Variants in DNAAF1 observed in about 807,000 individuals in gnomAD.
DNAAF1 encodes the protein dynein assembly factor 1, axonemal.
In DNAAF1, 65 loss-of-function variants were observed where a neutral mutation model predicts 71.1. The observed-to-expected ratio is 0.91, with a 90% CI of 0.75 to 1.12. The LOEUF is 1.12. DNAAF1 is among the 50% of genes most tolerant of loss of function. DNAAF1 has a pLI of 0.00. For missense variants in DNAAF1, 1,178 were observed against 899.8 expected (o/e 1.31, Z -3.96); for synonymous variants, 414 against 354.6 (o/e 1.17, Z -1.88).
intron 7 of DNAAF1, among the ~76,000 whole-genome samples, chr16:84,167,984 T>A (rs1249017007): frequency 6.6e-6 from 1 of 150,420 alleles, no homozygotes; most frequent in African/African-American, 2.5e-5. Context: ...ACCATCGCAC[T>A]CCAGCCTGGG....
At chr16:84,175,857 G>C in intron 10 of DNAAF1, 76 bp from the exon 11 acceptor site, 1 of 1,551,474 alleles carries the variant, frequency 6.4e-7, no homozygotes. Context: ...TGAAAAAGCA[G>C]AACTGGCATG....
chr16:84,163,087 A>ATTGTATTTGTCCATCAACT (rs1394139005), intron 6 of DNAAF1, among the ~76,000 whole-genome samples: 1 of 152,138 alleles, frequency 6.6e-6, no homozygotes, highest in Non-Finnish European at 1.5e-5. Flanking sequence ...GATACACTAC[A>ATTGTATTTGTCCATCAACT]TTGTATTTGT....
In DNAAF1 at chr16:84,177,818, T is replaced by A. The variant is rs201263027; in HGVS notation, c.2155T>A (p.Phe719Ile). The A allele has an allele frequency of 8.1e-6, 13 of 1,613,860 alleles. No individual in the cohort carries two copies. In the South Asian group the frequency reaches 1.4e-4, roughly 18 times the overall value. ...QALPTWDLTA[F>I]PAPKAS ...TCTGCCCACGTGGGACCTCACTGCA[T>A]TCCCAGCACCGAAAGCATCATAGTT... is the stretch of plus-strand genomic sequence containing the variant. The change falls in exon 12 of 12, where the codon TTC becomes ATC. Residue 719 changes from phenylalanine (F) to isoleucine (I), a missense_variant. Phe to Ile is a conservative substitution (Grantham distance 21, BLOSUM62 0). Transcript: ENST00000378553.
At chr16:84,173,249 G>C (rs564919398) in intron 9 of DNAAF1, 4 of 896,954 alleles carry the variant, frequency 4.5e-6, no homozygotes, top group African/African-American at 1.8e-5. Flanking sequence ...GGATCACGAG[G>C]TCAGGAGATC....
intron 9 of DNAAF1, chr16:84,172,807 C>G (rs2088438129): frequency 9.5e-7 from 1 of 1,056,818 alleles, no homozygotes; most frequent in African/African-American, 1.7e-5. Flanking sequence ...GTGGACACCG[C>G]CCAGCAGGTA....
intron 11 of DNAAF1, 24 bp downstream of exon 11, chr16:84,176,323 C>G: frequency 1.2e-6 from 2 of 1,612,816 alleles, no homozygotes; most frequent in South Asian, 2.2e-5. Context: ...GCCGAGAGCA[C>G]AGTGGAGACA....
chr16:84,164,816 T>C (rs1185881331), intron 6 of DNAAF1, among the ~76,000 whole-genome samples: 3 of 152,206 alleles, frequency 2.0e-5, no homozygotes, highest in Non-Finnish European at 4.4e-5. Flanking sequence ...GGTGAGAGTA[T>C]TTTTAGTCCC....
At chr16:84,172,456 C>T in intron 9 of DNAAF1, 81 bp downstream of exon 9, 5 of 1,559,972 alleles carry the variant, frequency 3.2e-6, no homozygotes, top group Non-Finnish European at 3.5e-6. Flanking sequence ...ACTTTGGAGA[C>T]CCTCGATACC....
intron 8 of DNAAF1, among the ~76,000 whole-genome samples, chr16:84,170,903 T>C (rs2088297960): frequency 6.6e-6 from 1 of 151,960 alleles, no homozygotes; most frequent in Non-Finnish European, 1.5e-5. Context: ...TAATGACATG[T>C]TTAATTTAAC....
At chr16:84,174,193 C>G (rs137895756) in intron 9 of DNAAF1, 1 of 1,008,838 alleles carries the variant, frequency 9.9e-7, no homozygotes, top group Admixed American at 5.3e-5. Flanking sequence ...ACTATGCTGC[C>G]TCCCCAACCA....
rs8692 is a variant in DNAAF1 at position 84,177,877 on chromosome 16, C to T, written c.*36C>T. 769,934 of 1,536,582 alleles carry T rather than the reference C, an allele frequency of 0.5. 192,974 individuals carry two copies. The highest frequency in any genetic ancestry group is 0.56 in the Admixed American group (33,800 of 59,848). ...TTATATGTAGCATAAATGGTTTAAT[C>T]ATAAATGTCTCCCTTAGGCATGATA... On this transcript the variant is annotated 3_prime_UTR_variant, in exon 12 of 12. Transcript: ENST00000378553.
chr16:84,147,944 G>A (rs2086991746), intron 1 of DNAAF1, among the ~76,000 whole-genome samples: 1 of 151,976 alleles, frequency 6.6e-6, no homozygotes, highest in Non-Finnish European at 1.5e-5. Flanking sequence ...GACAGGCGCT[G>A]GTAATCCTAG....
chr16:84,153,682 T>C (rs2087283893), intron 3 of DNAAF1, among the ~76,000 whole-genome samples: 1 of 152,196 alleles, frequency 6.6e-6, no homozygotes. Context: ...TTGGTAATAG[T>C]AGGTCAAGGC....
chr16:84,159,493 T>C (rs2087601104), intron 5 of DNAAF1, among the ~76,000 whole-genome samples, 182 bp from the exon 6 acceptor site: 1 of 152,244 alleles, frequency 6.6e-6, no homozygotes, highest in Non-Finnish European at 1.5e-5. Flanking sequence ...TAGACAGCTC[T>C]GATAGCGTGA....
intron 5 of DNAAF1, chr16:84,158,825 G>A (rs2087563553): frequency 6.3e-6 from 1 of 158,038 alleles, no homozygotes; most frequent in Non-Finnish European, 1.4e-5. Flanking sequence ...CCCCTCCTGG[G>A]TTCAAGTGAT....
chr16:84,157,561 A>G (rs1015745390), intron 5 of DNAAF1, among the ~76,000 whole-genome samples: 3 of 151,512 alleles, frequency 2.0e-5, no homozygotes, highest in Non-Finnish European at 4.4e-5. Flanking sequence ...AGAACCCGTC[A>G]GGTTGCTTCC....
chr16:84,169,830 A>ACATT (rs1216441363), intron 7 of DNAAF1, 29 bp from the exon 8 acceptor site: 1 of 1,612,804 alleles, frequency 6.2e-7, no homozygotes, highest in Admixed American at 1.7e-5. Flanking sequence ...GGACACTCCC[A>ACATT]CATTCACCTT....
At chr16:84,156,898 G>A (rs2087464929) in intron 5 of DNAAF1, among the ~76,000 whole-genome samples, 1 of 138,982 alleles carries the variant, frequency 7.2e-6, no homozygotes, top group Non-Finnish European at 1.5e-5. Context: ...TGTCACCCAG[G>A]CTGGAGTGCA....
intron 4 of DNAAF1, 52 bp from the exon 5 acceptor site, chr16:84,155,531 A>G: frequency 6.2e-7 from 1 of 1,603,272 alleles, no homozygotes; most frequent in Non-Finnish European, 8.5e-7. Context: ...TGCCTGGCCC[A>G]AGAAGCATTT....
Sources: allele counts gnomAD v4.1 joint callset (sites outside exome capture counted in the v4.1 genomes callset), GRCh38; gene constraint gnomAD v4.1.1; transcripts MANE v1.5; gene names NCBI Gene and HGNC (gene_info 2026-07-23, HGNC 2026-07-21).